Variants in KARS1 observed in about 807,000 individuals in gnomAD.
The protein encoded by KARS1 is lysyl-tRNA synthetase 1, also known as lysine--tRNA ligase.
KARS1 carries 50 observed loss-of-function variants against 63.9 expected under a neutral mutation model. The observed-to-expected ratio is 0.78, with a 90% CI of 0.62 to 0.99. The LOEUF is 0.99. Among genes scored for constraint, KARS1 ranks in the 50% least tolerant of loss-of-function variants. The pLI is 0.00. For synonymous variants in KARS1, 320 were observed against 264.6 expected, an observed-to-expected ratio of 1.21 and a Z score of -2.03; for missense variants, 816 against 754.5, an observed-to-expected ratio of 1.08 and a Z score of -0.95.
rs138480583 is a variant in KARS1, at chr16:75,641,720, C to A, written c.66G>T (p.Glu22Asp). The part of the protein sequence containing the change: ...DGSEPKLSKN[E>D]LKRRLKAEKK... ...TCTCAGCTTTCAGGCGTCTCTTCAG[C>A]TCACTGTTGGAAAGATGAAAGCGTT... The change falls in exon 2 of 14, where the codon GAG becomes GAT. Residue 22 changes from glutamate to aspartate, a missense_variant. Coordinates refer to ENST00000302445, the MANE Select transcript of KARS1 (RefSeq NM_005548.3). The A allele has an allele frequency of 6.2e-7, 1 of 1,613,774 alleles. No homozygotes were observed. The highest frequency in any genetic ancestry group is 8.5e-7 in the Non-Finnish European group (1 of 1,180,014).
Position 75,631,529 on chromosome 16 carries a change from CCCTCTGGG to C in KARS1, c.1131_1138del (p.Glu379SerfsTer5). The C allele has an allele frequency of 6.2e-7, 1 of 1,614,148 alleles. No individual in the cohort carries two copies. The highest frequency in any genetic ancestry group is 8.5e-7 in the Non-Finnish European group (1 of 1,180,016). On this transcript the variant is annotated frameshift_variant, in exon 9 of 14. Transcript: ENST00000302445. LOFTEE classifies it high-confidence loss of function. ...GGTGAAGTCAACATCGTAGGCTTGG[CCCTCTGGG>C]CCATCTGGGTGGTAGGTGACCTTGT... is the stretch of plus-strand genomic sequence containing the variant.
intron 3 of KARS1, 43 bp from the exon 4 acceptor site, chr16:75,636,590 G>GACTTCTGGT: frequency 8.2e-7 from 1 of 1,222,006 alleles, no homozygotes; most frequent in Non-Finnish European, 1.2e-6. Context: ...AGAACCAGAA[G>GACTTCTGGT]TCATTTTATG....
intron 6 of KARS1, 82 bp from the exon 7 acceptor site, chr16:75,634,374 T>C (rs750161496): frequency 1.4e-6 from 2 of 1,429,942 alleles, no homozygotes; most frequent in Non-Finnish European, 2.0e-6. Context: ...TAATATAGTC[T>C]AAGCCTGTTA....
chr16:75,633,295 G>A (rs914571841), intron 7 of KARS1, among the ~76,000 whole-genome samples: 1 of 152,128 alleles, frequency 6.6e-6, no homozygotes, highest in East Asian at 1.9e-4. Context: ...TTCAGTGTAC[G>A]TTTTATTCAT....
chr16:75,636,953 T>G (rs2082169068), intron 3 of KARS1, among the ~76,000 whole-genome samples: 1 of 130,688 alleles, frequency 7.7e-6, no homozygotes. Context: ...ATTTTTTTTT[T>G]TTTTTTGGTC....
In KARS1 at chr16:75,645,742, G is replaced by A. The variant is rs2082273848; in HGVS notation, c.62+1836C>T. Among the ~76,000 whole-genome samples the A allele has an allele frequency of 4.0e-5, 6 of 151,324 alleles. No homozygotes were observed. In the South Asian group the frequency reaches 1.3e-3, roughly 32 times the overall value. On this transcript the variant is annotated intron_variant, in intron 1 of 13. Coordinates refer to ENST00000302445, the MANE Select transcript of KARS1 (RefSeq NM_005548.3). ...TGCACCTGTAGTCCCAGGTACTTGG[G>A]AGGCTGAAGCACCAGAATTGCTTGA...
chr16:75,630,252 G>C (rs1200625145), intron 11 of KARS1, among the ~76,000 whole-genome samples, 171 bp downstream of exon 11: 1 of 152,158 alleles, frequency 6.6e-6, no homozygotes, highest in South Asian at 2.1e-4. Context: ...ACGTGGAGGA[G>C]AACCAAAGTG....
intron 11 of KARS1, among the ~76,000 whole-genome samples, chr16:75,630,099 G>A (rs2082095166): frequency 6.6e-6 from 1 of 152,210 alleles, no homozygotes; most frequent in Non-Finnish European, 1.5e-5. Context: ...CCAGAGGCTT[G>A]ATACGTGTTT....
At chr16:75,629,388 G>C in intron 12 of KARS1, 27 bp downstream of exon 12, 3 of 1,613,476 alleles carry the variant, frequency 1.9e-6, no homozygotes, top group Non-Finnish European at 2.5e-6. Context: ...AGTTGGCACA[G>C]CTTCTGCTCA....
intron 11 of KARS1, among the ~76,000 whole-genome samples, chr16:75,629,913 A>G (rs746899280): frequency 6.6e-5 from 10 of 152,228 alleles, no homozygotes; most frequent in Non-Finnish European, 1.5e-4. Context: ...GCAACAAATC[A>G]TTTGGTACAA....
Position 75,641,611 on chromosome 16 carries a change from T to A in KARS1, c.175A>T (p.Thr59Ser). The change falls in exon 2 of 14, where the codon ACC becomes TCC. Residue 59 changes from threonine (T) to serine (S), a missense_variant. By Grantham distance (58) the Thr-to-Ser change is moderately conservative. Coordinates refer to ENST00000302445, the MANE Select transcript of KARS1 (RefSeq NM_005548.3). The part of the protein sequence containing the change: ...SQATAAATNH[T>S]TDNGVGPEEE... ...TCAGGACCCACACCATTATCAGTGGTGTGGTTGGTGGCAGCAGCAGTGGCT... is the reference window on the plus strand; with the variant it reads ...TCAGGACCCACACCATTATCAGTGGAGTGGTTGGTGGCAGCAGCAGTGGCT... The A allele has an allele frequency of 6.2e-7, 1 of 1,613,990 alleles. No homozygotes were observed. The highest frequency in any genetic ancestry group is 8.5e-7 in the Non-Finnish European group (1 of 1,180,014).
intron 10 of KARS1, 38 bp downstream of exon 10, chr16:75,631,130 C>T (rs747369627): frequency 1.3e-6 from 2 of 1,532,100 alleles, no homozygotes; most frequent in Non-Finnish European, 1.8e-6. Context: ...CATTCAGCAC[C>T]AGATGAGGAC....
At chr16:75,631,336 T>C in intron 9 of KARS1, 80 bp downstream of exon 9, 1 of 1,583,900 alleles carries the variant, frequency 6.3e-7, no homozygotes, top group Non-Finnish European at 8.7e-7. Flanking sequence ...GTGTGGGAAA[T>C]TCTAGCTCTG....
intron 7 of KARS1, among the ~76,000 whole-genome samples, chr16:75,633,515 CTTTTTTT>C (rs770761249): frequency 1.6e-5 from 2 of 127,516 alleles, no homozygotes; most frequent in Non-Finnish European, 1.6e-5. Context: ...TTTGAAGATA[CTTTTTTT>C]TTTTTTTTTT....
At position 75,647,609 on chromosome 16, in the gene KARS1, C is replaced by T. The variant is rs373855427; in HGVS notation, c.31G>A (p.Val11Met). 4 of 1,613,364 alleles carry T rather than the reference C, an allele frequency of 2.5e-6. No homozygotes were observed. Among genetic ancestry groups the T allele is most frequent in the African/African-American group, 1.3e-5 (1 of 74,934 alleles). The change falls in exon 1 of 14, where the codon GTG becomes ATG. Residue 11 changes from valine to methionine, a missense_variant. Physicochemically the swap from Val to Met is conservative, Grantham distance 21 (BLOSUM62 1). Transcript: ENST00000302445. MAAVQAAEVKVDGSEPKLSKN... is the reference protein window; with the variant it reads MAAVQAAEVKMDGSEPKLSKN... The stretch of plus-strand genomic sequence containing the variant: ...CTCAGTTTCGGCTCGCTGCCATCCA[C>T]TTTCACCTCGGCCGCCTGCACGGCC...
chr16:75,643,820 T>C (rs1301439754), intron 1 of KARS1, among the ~76,000 whole-genome samples: 1 of 152,252 alleles, frequency 6.6e-6, no homozygotes, highest in Non-Finnish European at 1.5e-5. Context: ...TATAATTCAG[T>C]CAGTGGACTG....
At chr16:75,638,172 A>C (rs192594367) in intron 3 of KARS1, among the ~76,000 whole-genome samples, 11 of 152,264 alleles carry the variant, frequency 7.2e-5, no homozygotes, top group Admixed American at 5.9e-4. Flanking sequence ...CTCTAGACAA[A>C]ATAAAAGCAC....
chr16:75,635,647 A>C (rs745389522), intron 6 of KARS1, 33 bp downstream of exon 6: 1 of 1,612,490 alleles, frequency 6.2e-7, no homozygotes, highest in Non-Finnish European at 8.5e-7. Flanking sequence ...ATTGCAAGGC[A>C]GCTCATCACG....
intron 7 of KARS1, 133 bp downstream of exon 7, chr16:75,634,040 A>C: frequency 1.1e-6 from 1 of 930,160 alleles, no homozygotes; most frequent in Non-Finnish European, 1.7e-6. Flanking sequence ...ACATCCACAC[A>C]CCTGACCCAT....
Sources: allele counts gnomAD v4.1 joint callset (sites outside exome capture counted in the v4.1 genomes callset), GRCh38; gene constraint gnomAD v4.1.1; transcripts MANE v1.5; gene names NCBI Gene and HGNC (gene_info 2026-07-23, HGNC 2026-07-21).